CDC14B: variants seen among roughly 807,000 people sequenced by gnomAD.
The protein encoded by CDC14B is cell division cycle 14B, also known as dual specificity protein phosphatase CDC14B.
CDC14B carries 22 observed loss-of-function variants against 64.2 expected under a neutral mutation model. The ratio of observed to expected loss-of-function variants is 0.34; its 90% CI spans 0.24 to 0.49. The LOEUF (loss-of-function observed/expected upper bound fraction) is 0.49. Among genes scored for constraint, CDC14B ranks in the 20% least tolerant of loss-of-function variants. CDC14B has a pLI of 0.99. For missense variants in CDC14B, 498 were observed against 629.9 expected (o/e 0.79, Z 2.24); for synonymous variants, 191 against 215.8 (o/e 0.89, Z 1.01).
At chr9:96,551,668 T>A in intron 5 of CDC14B, 128 bp downstream of exon 5, 1 of 1,301,698 alleles carries the variant, frequency 7.7e-7, no homozygotes, top group Non-Finnish European at 1.0e-6. Context: ...AAAACCCAGA[T>A]CTGTGGTGTT....
chr9:96,581,422 T>A (rs548440632), intron 1 of CDC14B, among the ~76,000 whole-genome samples: 1 of 139,484 alleles, frequency 7.2e-6, no homozygotes, highest in Non-Finnish European at 1.5e-5. Context: ...TGTGTTATGA[T>A]TGCAGTACTG....
chr9:96,603,427 T>C (rs570559870), intron 1 of CDC14B, among the ~76,000 whole-genome samples: 27 of 152,224 alleles, frequency 1.8e-4, no homozygotes, highest in African/African-American at 6.3e-4. Flanking sequence ...TTGGCCACAT[T>C]TGAAAAATAC....
At chr9:96,508,221 G>A (rs925694506) in intron 13 of CDC14B, among the ~76,000 whole-genome samples, 2 of 151,994 alleles carry the variant, frequency 1.3e-5, no homozygotes, top group African/African-American at 4.8e-5. Flanking sequence ...TCACTATGTT[G>A]GCCAGGCTGG....
At chr9:96,537,932 C>T (rs999456078) in intron 7 of CDC14B, among the ~76,000 whole-genome samples, 1 of 152,122 alleles carries the variant, frequency 6.6e-6, no homozygotes, top group Non-Finnish European at 1.5e-5. Context: ...GTTGCCCAGG[C>T]TGATCTCAAA....
chr9:96,585,638 T>C (rs920906689), intron 1 of CDC14B, among the ~76,000 whole-genome samples: 1 of 152,212 alleles, frequency 6.6e-6, no homozygotes, highest in Non-Finnish European at 1.5e-5. Context: ...GAAGATGTAG[T>C]GCAATTAGAA....
At position 96,551,865 on chromosome 9, in the gene CDC14B, T is replaced by C. The variant is rs753312311; in HGVS notation, c.428A>G (p.Tyr143Cys). ...AFLVGCYMVIYLGRTPEEAYR... is the reference protein window; with the variant it reads ...AFLVGCYMVICLGRTPEEAYR... ...TGCTTCTTCTGGGGTTCTCCCCAAATATATAACCTATGTTTGAAAAAAGAA... is the reference window on the plus strand; with the variant it reads ...TGCTTCTTCTGGGGTTCTCCCCAAACATATAACCTATGTTTGAAAAAAGAA... Residue 143 changes from tyrosine (Y) to cysteine (C), a missense_variant, in exon 5 of 14, where the codon TAT becomes TGT. Transcript: ENST00000375241. The C allele has an allele frequency of 6.2e-7, 1 of 1,606,826 alleles. No individual in the cohort carries two copies. Among genetic ancestry groups the C allele is most frequent in the Admixed American group, 1.7e-5 (1 of 58,900 alleles).
rs549984785 is a variant in CDC14B, at chr9:96,567,059, C to G, written c.161-1576G>C. On this transcript the variant is annotated intron_variant, in intron 1 of 13. Transcript: ENST00000375241. Reference sequence around the variant, plus strand: ...CGTGGGGACGGACAGCACCCCGCCCCACCTCCCGCTTTCTTTCCCCCCGCC... The same window carrying G: ...CGTGGGGACGGACAGCACCCCGCCCGACCTCCCGCTTTCTTTCCCCCCGCC... 1,224 of 1,086,932 alleles carry G rather than the reference C, an allele frequency of 1.1e-3. 2 individuals are homozygous for G. Among genetic ancestry groups the G allele is most frequent in the Non-Finnish European group, 1.3e-3 (1,023 of 801,116 alleles). 67.3% of individuals were successfully genotyped at this position (1,086,932 alleles called of 1,614,324 possible).
intron 1 of CDC14B, among the ~76,000 whole-genome samples, chr9:96,609,758 T>C (rs1292888850): frequency 6.6e-6 from 1 of 152,178 alleles, no homozygotes; most frequent in Non-Finnish European, 1.5e-5. Context: ...AAATGAGAAC[T>C]TGAAAGAACA....
Position 96,502,798 on chromosome 9 carries a change from C to T in CDC14B, c.*955G>A, listed in dbSNP as rs1443275736. On this transcript the variant is annotated 3_prime_UTR_variant, in exon 14 of 14. Transcript: ENST00000375241. Reference sequence around the variant, plus strand: ...GCCACGTCAATGGCCTTAGGTGGATCTCATAAGGGAAAAAAAAAATCCAAT... The same window carrying T: ...GCCACGTCAATGGCCTTAGGTGGATTTCATAAGGGAAAAAAAAAATCCAAT... The T allele has an allele frequency of 2.5e-6, 1 of 396,420 alleles. No homozygotes were observed. Among genetic ancestry groups the T allele is most frequent in the Non-Finnish European group, 4.4e-6 (1 of 225,564 alleles). 24.6% of individuals were successfully genotyped at this position (396,420 alleles called of 1,614,324 possible). A position where few individuals can be genotyped will look rare whatever the true frequency, so the allele number is the denominator to read the frequency against.
exon 14 of CDC14B, chr9:96,490,966 T>A (rs1189159785): frequency 4.6e-5 from 7 of 152,300 alleles, no homozygotes; most frequent in Non-Finnish European, 7.3e-5. Context: ...TCTTTATTGC[T>A]TTTGGTGAAA....
intron 1 of CDC14B, among the ~76,000 whole-genome samples, chr9:96,613,199 C>A (rs547199305): frequency 6.6e-6 from 1 of 152,230 alleles, no homozygotes. Context: ...TCTTGAAATT[C>A]TTTCCCCTGT....
chr9:96,573,926 T>A (rs1844634226), intron 1 of CDC14B, among the ~76,000 whole-genome samples: 1 of 152,092 alleles, frequency 6.6e-6, no homozygotes, highest in African/African-American at 2.4e-5. Flanking sequence ...GGTGGGCGGA[T>A]CACGAGGTCA....
intron 4 of CDC14B, among the ~76,000 whole-genome samples, chr9:96,553,515 C>T (rs1382241511): frequency 6.6e-6 from 1 of 151,924 alleles, no homozygotes; most frequent in Admixed American, 6.6e-5. Context: ...TGCACCACCA[C>T]GCCTGGCTAG....
chr9:96,517,835 T>A (rs1475248748), intron 12 of CDC14B, among the ~76,000 whole-genome samples: 2 of 151,024 alleles, frequency 1.3e-5, no homozygotes, highest in African/African-American at 2.4e-5. Context: ...TGCCCAGTTT[T>A]TTTTTTTTAT....
chr9:96,614,720 A>AT (rs1475173627), intron 1 of CDC14B, among the ~76,000 whole-genome samples: 5 of 152,010 alleles, frequency 3.3e-5, no homozygotes, highest in Admixed American at 1.3e-4. Flanking sequence ...AAAATCTAGT[A>AT]TTTTTTCCTT....
At chr9:96,530,152 T>C (rs1838213732) in intron 9 of CDC14B, among the ~76,000 whole-genome samples, 1 of 152,202 alleles carries the variant, frequency 6.6e-6, no homozygotes, top group Admixed American at 6.5e-5. Flanking sequence ...TCTTAGTTTC[T>C]TTTTTATATT....
At chr9:96,552,806 G>A (rs1841999603) in intron 4 of CDC14B, among the ~76,000 whole-genome samples, 1 of 152,104 alleles carries the variant, frequency 6.6e-6, no homozygotes, top group Non-Finnish European at 1.5e-5. Context: ...GGTTGGGGTT[G>A]GGGAGGCGGG....
Position 96,560,659 on chromosome 9 carries a change from T to C in CDC14B, c.420+2034A>G, listed in dbSNP as rs111847042. Among the ~76,000 whole-genome samples, 1,067 of 147,810 alleles carry C rather than the reference T, an allele frequency of 7.2e-3. 21 individuals carry two copies. Among genetic ancestry groups the C allele is most frequent in the African/African-American group, 0.025 (993 of 39,596 alleles). ...AGTGCTGTGGTGCGATCTCGGCTCA[T>C]TGTAACCTCTGCCACCCAGGTTCAA... On this transcript the variant is annotated intron_variant, in intron 4 of 13. Transcript: ENST00000375241.
At chr9:96,536,241 T>C (rs1839244576) in intron 7 of CDC14B, among the ~76,000 whole-genome samples, 1 of 152,166 alleles carries the variant, frequency 6.6e-6, no homozygotes, top group African/African-American at 2.4e-5. Flanking sequence ...AAGACGTTTG[T>C]GGTGTGCCCC....
Sources: allele counts gnomAD v4.1 joint callset (sites outside exome capture counted in the v4.1 genomes callset), GRCh38; gene constraint gnomAD v4.1.1; transcripts MANE v1.5; gene names NCBI Gene and HGNC (gene_info 2026-07-23, HGNC 2026-07-21).